The following THEMIS variants were observed in gnomAD, a reference collection of about 807,000 sequenced individuals.
The protein encoded by THEMIS is protein THEMIS.
THEMIS carries 37 observed loss-of-function variants against 52.6 expected under a neutral mutation model. The ratio of observed to expected loss-of-function variants is 0.70; its 90% CI spans 0.54 to 0.93. The LOEUF is 0.93. Ranked by LOEUF, THEMIS falls within the 40% of genes least tolerant of loss-of-function variation. The probability of loss-of-function intolerance (pLI) is 0.00; values close to 1 mark genes in which losing one functional copy is unlikely to be tolerated. For missense variants in THEMIS, 808 were observed against 763.1 expected (o/e 1.06, Z -0.69); for synonymous variants, 292 against 272.7 (o/e 1.07, Z -0.70).
At chr6:127,702,900 C>T in the THEMIS span, among the ~76,000 whole-genome samples, 1 of 151,946 alleles carries the variant, frequency 6.6e-6, no homozygotes, top group Non-Finnish European at 1.5e-5. Context: ...GAAAGACCTG[C>T]CCCCATGATT....
chr6:127,900,761 T>C (rs1036160391), intron 1 of THEMIS, 81 bp downstream of exon 1: 2 of 1,228,128 alleles, frequency 1.6e-6, no homozygotes, highest in Non-Finnish European at 2.4e-6. Flanking sequence ...TATTTGCTGT[T>C]AAAATTCCCC....
chr6:127,784,989 A>G (rs1387627378), intron 4 of THEMIS, among the ~76,000 whole-genome samples: 1 of 125,408 alleles, frequency 8.0e-6, no homozygotes, highest in Non-Finnish European at 1.8e-5. Flanking sequence ...CTATCTATCT[A>G]TCTATCTATC....
intron 4 of THEMIS, among the ~76,000 whole-genome samples, chr6:127,771,846 T>C (rs1023350569): frequency 3.3e-5 from 5 of 152,108 alleles, no homozygotes; most frequent in African/African-American, 1.2e-4. Flanking sequence ...TATATCTTCC[T>C]CTTCCTTCCC....
chr6:127,878,824 G>T (rs1188869505), intron 1 of THEMIS, among the ~76,000 whole-genome samples: 1 of 152,114 alleles, frequency 6.6e-6, no homozygotes, highest in Non-Finnish European at 1.5e-5. Context: ...CTTTCAAAGG[G>T]ATCTGAATTA....
chr6:127,721,862 A>G (rs1489381299), intron 4 of THEMIS, among the ~76,000 whole-genome samples: 2 of 152,062 alleles, frequency 1.3e-5, no homozygotes, highest in African/African-American at 2.4e-5. Flanking sequence ...CAAAGAAGGA[A>G]TAAGCTTCAT....
In THEMIS at chr6:127,855,107, T is replaced by C. The variant is rs369551049; in HGVS notation, c.173A>G (p.Lys58Arg). ...CTGCTCACAAATTTCAGCTATGATC[T>C]TCTTAACTTTGAGACCAGTAATTTT... ...VIKITGLKVK[K>R]IIAEICEQIE... is the part of the protein sequence containing the mutation. Residue 58 changes from lysine to arginine, a missense_variant, in exon 2 of 6, where the codon AAG (lysine) becomes AGG (arginine). Coordinates refer to ENST00000368248, the MANE Select transcript of THEMIS (RefSeq NM_001010923.3). 6.2e-7 allele frequency: 1 copy of C among 1,611,300 alleles called. No individual in the cohort carries two copies. Among genetic ancestry groups the C allele is most frequent in the Admixed American group, 1.7e-5 (1 of 59,704 alleles).
chr6:127,732,089 T>C (rs1268676516), intron 4 of THEMIS, among the ~76,000 whole-genome samples: 1 of 151,292 alleles, frequency 6.6e-6, no homozygotes, highest in Non-Finnish European at 1.5e-5. Flanking sequence ...TATACCATAA[T>C]TTTATACAGT....
chr6:127,812,910 C>G lies in THEMIS; in HGVS notation c.1731G>C (p.Arg577Ser), dbSNP rs543892308. 53 of 1,610,864 alleles carry G rather than the reference C, an allele frequency of 3.3e-5. 1 individual carries two copies. In the South Asian group the frequency reaches 5.7e-4, roughly 17 times the overall value. ...KLTLLTLAEE[R>S]TVDLPKSPKR... ...TGGGAGACTTGGGCAGGTCTACCGTCCTTTCTTCTGCTAAGGTTAGCAGGG... is the reference window on the plus strand; with the variant it reads ...TGGGAGACTTGGGCAGGTCTACCGTGCTTTCTTCTGCTAAGGTTAGCAGGG... Residue 577 changes from arginine (R) to serine (S), a missense_variant, in exon 4 of 6, where the codon AGG becomes AGC. By Grantham distance (110) the Arg-to-Ser change is moderately radical. Coordinates refer to ENST00000368248, the MANE Select transcript of THEMIS (RefSeq NM_001010923.3).
chr6:127,706,865 G>T (rs1773813834), downstream of THEMIS, among the ~76,000 whole-genome samples: 1 of 151,980 alleles, frequency 6.6e-6, no homozygotes, highest in Non-Finnish European at 1.5e-5. Context: ...CTCAGGGTAG[G>T]AATAGCCCTG....
At chr6:127,719,568 G>T in intron 5 of THEMIS, 120 bp downstream of exon 5, 1 of 819,732 alleles carries the variant, frequency 1.2e-6, no homozygotes, top group Non-Finnish European at 1.9e-6. Context: ...AGAGCAGGGT[G>T]ATCACTTGGG....
intron 4 of THEMIS, among the ~76,000 whole-genome samples, chr6:127,785,505 A>G (rs185520649): frequency 2.6e-5 from 4 of 151,814 alleles, no homozygotes; most frequent in Non-Finnish European, 5.9e-5. Context: ...TACTTTCTCC[A>G]GATTGATACA....
At chr6:127,735,204 C>A (rs909977694) in intron 4 of THEMIS, among the ~76,000 whole-genome samples, 1 of 151,860 alleles carries the variant, frequency 6.6e-6, no homozygotes, top group Non-Finnish European at 1.5e-5. Context: ...ACTAAGGTGG[C>A]AATCTAACAA....
chr6:127,715,709 C>G (rs1172535573), intron 5 of THEMIS, among the ~76,000 whole-genome samples: 1 of 151,772 alleles, frequency 6.6e-6, no homozygotes, highest in African/African-American at 2.4e-5. Flanking sequence ...TTTTTCTGAC[C>G]TGTTTAAATT....
At chr6:127,871,578 GA>G (rs1780157767) in intron 1 of THEMIS, among the ~76,000 whole-genome samples, 1 of 151,664 alleles carries the variant, frequency 6.6e-6, no homozygotes, top group Non-Finnish European at 1.5e-5. Context: ...CTCTGAAAAA[GA>G]AAAAATGAGA....
At chr6:127,739,929 G>A (rs1001099809) in intron 4 of THEMIS, among the ~76,000 whole-genome samples, 5 of 152,132 alleles carry the variant, frequency 3.3e-5, no homozygotes, top group African/African-American at 4.8e-5. Flanking sequence ...ATTCGCTGGC[G>A]TGCACTGTTG....
At chr6:127,703,109 G>A (rs1347548991), downstream of THEMIS, among the ~76,000 whole-genome samples, 12 of 137,554 alleles carry the variant, frequency 8.7e-5, no homozygotes, top group South Asian at 4.6e-4. Flanking sequence ...GTGCAGTGGC[G>A]GGATCTCGGC....
chr6:127,903,897 T>TA (rs1325107759), upstream of THEMIS, among the ~76,000 whole-genome samples: 1 of 152,076 alleles, frequency 6.6e-6, no homozygotes, highest in Non-Finnish European at 1.5e-5. Flanking sequence ...AAGAGCTGTA[T>TA]ACTTTTTAAA....
chr6:127,904,918 GA>G (rs1376148975), upstream of THEMIS, among the ~76,000 whole-genome samples: 1 of 151,924 alleles, frequency 6.6e-6, no homozygotes, highest in Non-Finnish European at 1.5e-5. Flanking sequence ...CTGGAAATGG[GA>G]GCGTAGGAAA....
intron 4 of THEMIS, among the ~76,000 whole-genome samples, chr6:127,720,088 T>C (rs1184369104): frequency 6.6e-6 from 1 of 151,978 alleles, no homozygotes; most frequent in Non-Finnish European, 1.5e-5. Context: ...ATTACTTTCT[T>C]CTTGTGAAGC....
Sources: gnomAD v4.1 joint callset for allele counts (sites outside exome capture counted in the v4.1 genomes callset) on GRCh38, gnomAD v4.1.1 for gene constraint, MANE v1.5 for transcripts, NCBI Gene and HGNC (gene_info 2026-07-23, HGNC 2026-07-21) for gene names.